TULP1: variants seen among roughly 807,000 people sequenced by gnomAD.
TULP1 encodes tubby-related protein 1.
TULP1 carries 50 observed loss-of-function variants against 67.1 expected under a neutral mutation model. The ratio of observed to expected loss-of-function variants is 0.75; its 90% CI spans 0.59 to 0.94. TULP1 has a LOEUF of 0.94. TULP1 is among the 40% of genes least tolerant of loss of function. The pLI, the probability that TULP1 is intolerant of heterozygous loss-of-function variation, is 0.00. For synonymous variants in TULP1, 297 were observed against 294.0 expected (o/e 1.01, Z -0.11); for missense variants, 746 against 734.1 (o/e 1.02, Z -0.19).
rs1761020790 is a variant in TULP1, at chr6:35,503,717, G to A, written c.1224+20C>T. 1 of 1,608,832 alleles carries A rather than the reference G, an allele frequency of 6.2e-7. No homozygotes were observed. The highest frequency in any genetic ancestry group is 1.1e-5 in the South Asian group (1 of 89,978). ...CTGTAAGGGGAGCAGCCTGGCATGG[G>A]GGACAGGTGGAGTCCTCACATAGAT... On this transcript the variant is annotated intron_variant, in intron 12 of 14. Coordinates refer to ENST00000229771, the MANE Select transcript of TULP1 (RefSeq NM_003322.6). This position sits in a 1 kb window ranked among gnomAD's most constrained non-coding sequence, Gnocchi z 4.0.
rs377378381 is a variant in TULP1 at position 35,498,486 on chromosome 6, C to T, written c.1496-26G>A. 2 of 1,613,060 alleles carry T rather than the reference C, an allele frequency of 1.2e-6. No individual in the cohort carries two copies. The highest frequency in any genetic ancestry group is 1.7e-6 in the Non-Finnish European group (2 of 1,179,910). ...CTATGGACACAAGACGGGGTGGGGG[C>T]GGCCCGAGACCTCCTTGGACCCCCA... On this transcript the variant is annotated intron_variant, in intron 14 of 14. Coordinates refer to ENST00000229771, the MANE Select transcript of TULP1 (RefSeq NM_003322.6). The surrounding 1 kb of genome is among the most constrained non-coding windows in gnomAD (Gnocchi z 6.7).
At chr6:35,512,332 C>A (rs1431053503) in intron 2 of TULP1, 62 bp from the exon 3 acceptor site, 15 of 862,628 alleles carry the variant, frequency 1.7e-5, no homozygotes, top group Admixed American at 3.3e-5. Flanking sequence ...GCCCGCCCAT[C>A]CCCCTCTAAT....
intron 13 of TULP1, 85 bp from the exon 14 acceptor site, chr6:35,500,237 GCATGTGTGCACAGGGGTGTGGCCTGGA>G: frequency 2.0e-6 from 3 of 1,464,750 alleles, no homozygotes; most frequent in Admixed American, 3.3e-5. Flanking sequence ...AGGGGCCTGG[GCATGTGTGCACAGGGGTGTGGCCTGGA>G]CATCTTCATC....
Position 35,512,649 on chromosome 6 carries a change from C to A in TULP1, c.89G>T (p.Arg30Leu), listed in dbSNP as rs1398566369. ...AGTGGGGTGGCATACCTGTTTGGGG[C>A]GCCGCGGGGCCTCCGGGCTCAGGCT... Reference protein sequence around the residue: ...EESLSPEAPRRPKQRPAPAQR... With the variant: ...EESLSPEAPRLPKQRPAPAQR... The change falls in exon 2 of 15, where the codon CGC becomes CTC. Residue 30 changes from arginine to leucine, a missense_variant. Arg to Leu is a moderately radical substitution (Grantham distance 102). Coordinates refer to ENST00000229771, the MANE Select transcript of TULP1 (RefSeq NM_003322.6). 2 of 1,613,806 alleles carry A rather than the reference C, an allele frequency of 1.2e-6. No individual in the cohort carries two copies. The highest frequency in any genetic ancestry group is 1.7e-5 in the Admixed American group (1 of 59,996).
intron 5 of TULP1, chr6:35,510,616 CCT>C (rs1395457099): frequency 1.4e-6 from 1 of 693,768 alleles, no homozygotes; most frequent in Non-Finnish European, 2.3e-6. Context: ...AAACTAGAAT[CCT>C]CTGTCCTCCT....
chr6:35,505,636 G>T, intron 11 of TULP1, 105 bp downstream of exon 11: 1 of 1,559,962 alleles, frequency 6.4e-7, no homozygotes. Context: ...CGTTTCCAGG[G>T]TGCCCACTGT....
intron 2 of TULP1, 58 bp downstream of exon 2, chr6:35,512,581 G>C: frequency 6.2e-7 from 1 of 1,610,790 alleles, no homozygotes; most frequent in East Asian, 2.2e-5. Flanking sequence ...CCTACCCTGC[G>C]TGGGTTTACG....
At chr6:35,504,638 G>T (rs1443741289) in intron 11 of TULP1, among the ~76,000 whole-genome samples, 2 of 151,892 alleles carry the variant, frequency 1.3e-5, no homozygotes, top group Non-Finnish European at 2.9e-5. Flanking sequence ...TCTGCTCACT[G>T]CAAGCTCCGC....
chr6:35,499,234 G>A (rs1768776758), intron 14 of TULP1, among the ~76,000 whole-genome samples: 1 of 152,160 alleles, frequency 6.6e-6, no homozygotes, highest in Non-Finnish European at 1.5e-5. Flanking sequence ...AGTCTTCCAG[G>A]GTAGTCCTTT....
chr6:35,501,639 G>A (rs567413287), intron 13 of TULP1, among the ~76,000 whole-genome samples: 26 of 150,810 alleles, frequency 1.7e-4, no homozygotes, highest in Admixed American at 7.3e-4. Context: ...TGGCAAAACC[G>A]CGTCTCTACT....
In TULP1 at chr6:35,498,348, G is replaced by A. The variant is rs756806899; in HGVS notation, c.1608C>T (p.Asp536=). The change falls in exon 15 of 15, where the codon GAC becomes GAT. Residue 536 remains aspartate (D), a synonymous_variant. Transcript: ENST00000229771. The surrounding 1 kb of genome is among the most constrained non-coding windows in gnomAD (Gnocchi z 6.7). ...GGGGTCACTCGCAGGCCAGCTTCCCGTCGAAACTGGAGAGGGCGATGGCGA... is the reference window on the plus strand; with the variant it reads ...GGGGTCACTCGCAGGCCAGCTTCCCATCGAAACTGGAGAGGGCGATGGCGA... ...QAFAIALSSF[D]GKLACE The A allele has an allele frequency of 2.0e-5, 33 of 1,612,746 alleles. No homozygotes were observed. Among genetic ancestry groups the A allele is most frequent in the Admixed American group, 3.3e-5 (2 of 59,876 alleles).
At position 35,510,884 on chromosome 6, in the gene TULP1, C is replaced by T; in HGVS notation, c.476G>A (p.Arg159Lys). The T allele has an allele frequency of 6.2e-7, 1 of 1,614,042 alleles. No individual in the cohort carries two copies. Among genetic ancestry groups the T allele is most frequent in the South Asian group, 1.1e-5 (1 of 91,076 alleles). ...EKSSADLKERRAKAQGPRGDL... is the reference protein window; with the variant it reads ...EKSSADLKERKAKAQGPRGDL... ...ACCCCTTGGGCCCTGGGCCTTGGCC[C>T]TCCTCTCCTTCAGGTCTGCGGAGCT... Residue 159 changes from arginine to lysine, a missense_variant, in exon 5 of 15, where the codon AGG (arginine) becomes AAG (lysine). Arg to Lys is a conservative substitution (Grantham distance 26, BLOSUM62 2). This residue lies in a region of TULP1 where 359 missense variants were observed against 341.9 expected (regional missense o/e 1.05). Transcript: ENST00000229771.
In TULP1 at chr6:35,511,682, G is replaced by T. The variant is rs372688319; in HGVS notation, c.315C>A (p.Thr105=). The T allele has an allele frequency of 1.1e-5, 18 of 1,595,422 alleles. No individual in the cohort carries two copies. The highest frequency in any genetic ancestry group is 1.5e-5 in the Non-Finnish European group (18 of 1,170,828). The change falls in exon 4 of 15, where the codon ACC becomes ACA. Residue 105 remains threonine, a synonymous_variant. Transcript: ENST00000229771. The part of the protein sequence containing the change: ...PEAKKRDPRE[T]FLVARAPDAE... ...CGTCTGGGGCACGGGCTACCAGAAA[G>T]GTTTCCCGGGGGTCGCGCTTCTTGG...
intron 11 of TULP1, among the ~76,000 whole-genome samples, chr6:35,505,134 A>C (rs1221681969): frequency 2.6e-5 from 4 of 151,180 alleles, no homozygotes; most frequent in Admixed American, 2.6e-4. Flanking sequence ...ACGGGGTTTC[A>C]CCATGTTGGC....
At chr6:35,512,791 C>T (rs749478024) in intron 1 of TULP1, 21 bp downstream of exon 1, 1 of 1,606,240 alleles carries the variant, frequency 6.2e-7, no homozygotes, top group Non-Finnish European at 8.5e-7. Context: ...TCAGGTGCCA[C>T]GAACTGGGGG....
chr6:35,506,057 G>A lies in TULP1; in HGVS notation c.945C>T (p.Gly315=). Residue 315 remains glycine, a synonymous_variant, in exon 10 of 15, where the codon GGC becomes GGT. Transcript: ENST00000229771. ...VRCRLTRDKK[G]MDRGMYPSYF... is the part of the protein sequence containing the mutation. The stretch of plus-strand genomic sequence containing the variant: ...AGGAGGGATACATGCCTCGATCCAT[G>A]CCCTTTTTGTCCCGGGTCAGCCGGC... 6.2e-7 allele frequency: 1 copy of A among 1,613,804 alleles called. No individual in the cohort carries two copies. Among genetic ancestry groups the A allele is most frequent in the Non-Finnish European group, 8.5e-7 (1 of 1,180,038 alleles).
At chr6:35,499,654 G>C (rs1768785413) in intron 14 of TULP1, among the ~76,000 whole-genome samples, 2 of 151,858 alleles carry the variant, frequency 1.3e-5, no homozygotes, top group Non-Finnish European at 2.9e-5. Flanking sequence ...AAGAGGAGTT[G>C]GGCTGTCCGT....
At chr6:35,504,024 G>A in intron 11 of TULP1, 176 bp from the exon 12 acceptor site, 2 of 584,650 alleles carry the variant, frequency 3.4e-6, no homozygotes, top group East Asian at 5.8e-5. Flanking sequence ...CTTTTTAAAT[G>A]CTGGCCCAAC....
chr6:35,509,251 CTTT>C lies in TULP1; in HGVS notation c.777_779del (p.Ile259_Lys260delinsMet), dbSNP rs1561816860. ...TGGCTTTGCCCTTTTGATTGCTCTTCTTTATCACCGTAGCTGCCTCCTCCTCCT... is the reference window on the plus strand; with the variant it reads ...TGGCTTTGCCCTTTTGATTGCTCTTCATCACCGTAGCTGCCTCCTCCTCCT... On this transcript the variant is annotated inframe_deletion, in exon 8 of 15. Transcript: ENST00000229771. 2 of 1,614,032 alleles carry C rather than the reference CTTT, an allele frequency of 1.2e-6. No individual in the cohort carries two copies. The highest frequency in any genetic ancestry group is 2.2e-5 in the South Asian group (2 of 91,074).
Sources: gnomAD v4.1 joint callset for allele counts (sites outside exome capture counted in the v4.1 genomes callset) on GRCh38, gnomAD v4.1.1 for gene constraint, gnomAD v4.1.1 regional missense constraint, Gnocchi (gnomAD v3.1) non-coding constraint, MANE v1.5 for transcripts, NCBI Gene and HGNC (gene_info 2026-07-23, HGNC 2026-07-21) for gene names.